SUSD4: variants seen among roughly 807,000 people sequenced by gnomAD.
SUSD4 encodes sushi domain containing 4, also known as sushi domain-containing protein 4.
SUSD4 carries 41 observed loss-of-function variants against 50.5 expected under a neutral mutation model. That is an observed-to-expected ratio of 0.81 (90% CI 0.63 to 1.05). SUSD4 has a LOEUF of 1.05. Ranked by LOEUF, SUSD4 falls within the 50% of genes least tolerant of loss-of-function variation. SUSD4 has a pLI of 0.00. For missense variants in SUSD4, 580 were observed against 634.7 expected (o/e 0.91, Z 0.93); for synonymous variants, 257 against 257.3 (o/e 1.00, Z 0.01).
chr1:223,314,917 T>C (rs1056098546), intron 2 of SUSD4, among the ~76,000 whole-genome samples: 1 of 152,234 alleles, frequency 6.6e-6, no homozygotes, highest in African/African-American at 2.4e-5. Flanking sequence ...ATGAGATCTC[T>C]ATCTGCCGAG....
At chr1:223,294,841 G>A (rs1025563136) in intron 2 of SUSD4, among the ~76,000 whole-genome samples, 1 of 152,198 alleles carries the variant, frequency 6.6e-6, no homozygotes, top group Non-Finnish European at 1.5e-5. Flanking sequence ...AGGGGTATTT[G>A]AAAGTCATTA....
chr1:223,278,121 A>G (rs1236226293), intron 3 of SUSD4, among the ~76,000 whole-genome samples: 1 of 152,170 alleles, frequency 6.6e-6, no homozygotes, highest in Non-Finnish European at 1.5e-5. Context: ...GCTCCGGTCT[A>G]TGGTTCCCAG....
At chr1:223,284,092 G>T (rs1438697140) in intron 3 of SUSD4, among the ~76,000 whole-genome samples, 1 of 48,922 alleles carries the variant, frequency 2.0e-5, no homozygotes, top group Non-Finnish European at 3.8e-5. Context: ...GGGATAGGGG[G>T]AGGGGGGAGG....
At chr1:223,254,424 G>A (rs1027114826) in intron 5 of SUSD4, among the ~76,000 whole-genome samples, 2 of 152,162 alleles carry the variant, frequency 1.3e-5, no homozygotes, top group Non-Finnish European at 2.9e-5. Flanking sequence ...AGAGACAGAG[G>A]GTTAATGGTT....
intron 2 of SUSD4, among the ~76,000 whole-genome samples, chr1:223,296,371 A>G (rs1223981615): frequency 2.0e-5 from 3 of 152,112 alleles, no homozygotes; most frequent in African/African-American, 7.2e-5. Context: ...CAAGATGAAG[A>G]GTGGGCCTAG....
intron 2 of SUSD4, among the ~76,000 whole-genome samples, chr1:223,339,403 T>C (rs1292012998): frequency 6.6e-6 from 1 of 152,104 alleles, no homozygotes; most frequent in Admixed American, 6.5e-5. Context: ...GGAAGGTTCA[T>C]TTGAGAGGGG....
At chr1:223,256,181 C>G (rs1302138891) in intron 5 of SUSD4, among the ~76,000 whole-genome samples, 1 of 152,174 alleles carries the variant, frequency 6.6e-6, no homozygotes, top group Non-Finnish European at 1.5e-5. Flanking sequence ...GATAAAAATT[C>G]AGGTTCCTGA....
intron 2 of SUSD4, among the ~76,000 whole-genome samples, chr1:223,359,300 G>T (rs1257716629): frequency 6.6e-6 from 1 of 152,132 alleles, no homozygotes; most frequent in Admixed American, 6.5e-5. Context: ...TTCCTTGCAG[G>T]TATACTATAT....
chr1:223,225,235 T>C (rs890873152), intron 7 of SUSD4, among the ~76,000 whole-genome samples: 13 of 151,836 alleles, frequency 8.6e-5, no homozygotes, highest in African/African-American at 2.9e-4. Context: ...AGGTAAAATA[T>C]GAGGAAGAGA....
chr1:223,258,929 A>G (rs1661896214), intron 5 of SUSD4, among the ~76,000 whole-genome samples: 1 of 152,144 alleles, frequency 6.6e-6, no homozygotes, highest in South Asian at 2.1e-4. Context: ...TTTCGAAACC[A>G]TGGAGACCTT....
At chr1:223,263,519 G>A (rs1319326780) in intron 5 of SUSD4, 1 of 981,070 alleles carries the variant, frequency 1.0e-6, no homozygotes, top group Non-Finnish European at 1.2e-6. Flanking sequence ...GGGGATTTGC[G>A]ATGGGTGGGA....
At chr1:223,277,063 A>T (rs569798397) in intron 3 of SUSD4, among the ~76,000 whole-genome samples, 1 of 152,322 alleles carries the variant, frequency 6.6e-6, no homozygotes, top group East Asian at 1.9e-4. Context: ...AGTTTCAATG[A>T]ATAAAGGAGT....
intron 2 of SUSD4, among the ~76,000 whole-genome samples, chr1:223,299,963 G>C (rs1440161857): frequency 6.6e-6 from 1 of 152,096 alleles, no homozygotes; most frequent in Non-Finnish European, 1.5e-5. Flanking sequence ...TGTTTCTCTG[G>C]AGAACCCAGA....
rs75603267 is a variant in SUSD4, at chr1:223,350,369, G to A, written c.148+12909C>T. On this transcript the variant is annotated intron_variant, in intron 2 of 8. Transcript: ENST00000366878. ...TAAGAGTGGATGAAGATAAGAAGCCGGAAAGACTTCCTCCCTTTCCCACCC... is the reference window on the plus strand; with the variant it reads ...TAAGAGTGGATGAAGATAAGAAGCCAGAAAGACTTCCTCCCTTTCCCACCC... Among the ~76,000 whole-genome samples the A allele has an allele frequency of 2.2e-3, 333 of 152,284 alleles. 3 individuals carry two copies. Among genetic ancestry groups the A allele is most frequent in the African/African-American group, 7.2e-3 (300 of 41,554 alleles).
At chr1:223,250,506 A>G (rs1400281707) in intron 5 of SUSD4, among the ~76,000 whole-genome samples, 1 of 152,206 alleles carries the variant, frequency 6.6e-6, no homozygotes. Flanking sequence ...GTCATCTAGC[A>G]AACTAACAGC....
At chr1:223,360,084 C>T (rs1026157791) in intron 2 of SUSD4, 7 of 407,386 alleles carry the variant, frequency 1.7e-5, no homozygotes, top group South Asian at 5.7e-5. Flanking sequence ...AATTAGGCAC[C>T]GTCATCCTCA....
intron 5 of SUSD4, chr1:223,234,972 T>C (rs1660116270): frequency 6.3e-7 from 1 of 1,589,214 alleles, no homozygotes. Flanking sequence ...GATGTGGTGG[T>C]GCTAGTTGAG....
chr1:223,227,124 A>G lies in SUSD4; in HGVS notation c.1061+470T>C, dbSNP rs1397621195. 6.6e-6 allele frequency among the ~76,000 whole-genome samples: 1 copy of G among 152,230 alleles called. No individual in the cohort carries two copies. The highest frequency in any genetic ancestry group is 1.5e-5 in the Non-Finnish European group (1 of 68,046). ...CCCTTTCCTGATTGCTCCTGGAATC[A>G]GAAAAGTCTTTTCTCCTTCCTGAGG... On this transcript the variant is annotated intron_variant, in intron 7 of 8. Coordinates refer to ENST00000366878, the MANE Select transcript of SUSD4 (RefSeq NM_017982.4). This position sits in a 1 kb window ranked among gnomAD's most constrained non-coding sequence, Gnocchi z 4.5.
chr1:223,258,174 TCAGGCGCCTCTTATAC>T (rs1410744107), intron 5 of SUSD4, among the ~76,000 whole-genome samples: 2 of 152,304 alleles, frequency 1.3e-5, no homozygotes, highest in East Asian at 3.9e-4. Flanking sequence ...AGAAATCACT[TCAGGCGCCTCTTATAC>T]CAGGCGCCTC....
Sources: allele counts gnomAD v4.1 joint callset (sites outside exome capture counted in the v4.1 genomes callset), GRCh38; gene constraint gnomAD v4.1.1; non-coding constraint Gnocchi (gnomAD v3.1); transcripts MANE v1.5; gene names NCBI Gene and HGNC (gene_info 2026-07-23, HGNC 2026-07-21).